CTNNA3: variants seen among roughly 807,000 people sequenced by gnomAD.
CTNNA3 encodes the protein catenin alpha-3.
In CTNNA3, 76 loss-of-function variants were observed where a neutral mutation model predicts 95.7. The observed-to-expected ratio is 0.79, with a 90% CI of 0.66 to 0.96. The LOEUF is 0.96. Ranked by LOEUF, CTNNA3 falls within the 40% of genes least tolerant of loss-of-function variation. The pLI is 0.00. For missense variants in CTNNA3, 1,191 were observed against 1,089.8 expected (o/e 1.09, Z -1.31); for synonymous variants, 431 against 374.4 (o/e 1.15, Z -1.74).
intron 10 of CTNNA3, among the ~76,000 whole-genome samples, chr10:66,554,856 C>A (rs1311883694): frequency 6.6e-6 from 1 of 152,046 alleles, no homozygotes; most frequent in East Asian, 1.9e-4. Context: ...CTCACTGACA[C>A]TGTTAATATC....
At chr10:66,493,603 T>A (rs1452316791) in intron 11 of CTNNA3, among the ~76,000 whole-genome samples, 1 of 144,674 alleles carries the variant, frequency 6.9e-6, no homozygotes, top group East Asian at 2.3e-4. Context: ...TACAGTATTT[T>A]TTTTTTTTTT....
chr10:67,319,711 C>A (rs1028105489), intron 5 of CTNNA3, among the ~76,000 whole-genome samples: 5 of 151,884 alleles, frequency 3.3e-5, no homozygotes, highest in Non-Finnish European at 7.4e-5. Flanking sequence ...GCCTGGCCAA[C>A]AAAGTAAAAC....
chr10:66,648,585 T>C (rs1348963471), intron 9 of CTNNA3, among the ~76,000 whole-genome samples: 1 of 152,160 alleles, frequency 6.6e-6, no homozygotes, highest in African/African-American at 2.4e-5. Flanking sequence ...ACTAAAATGT[T>C]TTCTGAAGAA....
chr10:66,284,568 C>CA, intron 12 of CTNNA3, among the ~76,000 whole-genome samples: 1 of 151,776 alleles, frequency 6.6e-6, no homozygotes, highest in East Asian at 1.9e-4. Flanking sequence ...GGTAGTAGCC[C>CA]AAAAATATTT....
intron 9 of CTNNA3, among the ~76,000 whole-genome samples, chr10:66,758,573 A>G (rs867148551): frequency 6.6e-6 from 1 of 152,272 alleles, no homozygotes; most frequent in Non-Finnish European, 1.5e-5. Flanking sequence ...TTGACCAAAT[A>G]CCATGTTGGA....
intron 7 of CTNNA3, among the ~76,000 whole-genome samples, chr10:66,939,682 A>G (rs1173381036): frequency 3.9e-5 from 6 of 152,202 alleles, no homozygotes; most frequent in African/African-American, 1.4e-4. Context: ...AGTATCTGTC[A>G]GCCTCTGGAC....
chr10:66,427,572 G>A (rs1209738356), intron 11 of CTNNA3, among the ~76,000 whole-genome samples: 2 of 152,034 alleles, frequency 1.3e-5, no homozygotes, highest in African/African-American at 2.4e-5. Context: ...TTTTCTATTG[G>A]TAACATGGAC....
intron 3 of CTNNA3, among the ~76,000 whole-genome samples, chr10:67,574,331 G>A (rs1472472172): frequency 6.6e-6 from 1 of 152,048 alleles, no homozygotes; most frequent in Non-Finnish European, 1.5e-5. Context: ...TGAAAGTTTT[G>A]TTCCCCTACC....
intron 16 of CTNNA3, among the ~76,000 whole-genome samples, chr10:65,988,021 G>A (rs1318812077): frequency 6.6e-6 from 1 of 152,066 alleles, no homozygotes; most frequent in African/African-American, 2.4e-5. Flanking sequence ...TGGTTATCAG[G>A]GGCAGGGAAG....
chr10:66,592,946 G>C (rs1404311091), intron 10 of CTNNA3, among the ~76,000 whole-genome samples: 1 of 152,080 alleles, frequency 6.6e-6, no homozygotes, highest in Non-Finnish European at 1.5e-5. Flanking sequence ...TGATAACCGA[G>C]TAAAAGTTGT....
intron 17 of CTNNA3, among the ~76,000 whole-genome samples, chr10:65,923,789 T>C (rs1310570109): frequency 6.6e-6 from 1 of 152,118 alleles, no homozygotes; most frequent in Non-Finnish European, 1.5e-5. Context: ...AATCAATGCA[T>C]GAAATAACTA....
At chr10:66,052,991 G>A (rs1306499562) in intron 15 of CTNNA3, among the ~76,000 whole-genome samples, 1 of 151,954 alleles carries the variant, frequency 6.6e-6, no homozygotes, top group African/African-American at 2.4e-5. Context: ...ATTCATTAAA[G>A]TACTGTAGAA....
At chr10:67,746,523 G>C (rs1841375668) in intron 1 of CTNNA3, among the ~76,000 whole-genome samples, 3 of 152,030 alleles carry the variant, frequency 2.0e-5, no homozygotes, top group Non-Finnish European at 4.4e-5. Context: ...GACTGACTAG[G>C]TGTTTGGTTT....
chr10:67,751,288 A>G, intron 1 of CTNNA3: 2 of 997,838 alleles, frequency 2.0e-6, no homozygotes, highest in Non-Finnish European at 3.2e-6. Flanking sequence ...CTGAAGTGTG[A>G]CATCTCCACT....
intron 14 of CTNNA3, chr10:66,084,818 T>C (rs892132054): frequency 2.0e-5 from 3 of 152,184 alleles, no homozygotes; most frequent in African/African-American, 7.2e-5. Context: ...ATGTTATATA[T>C]CTATCATCTA....
intron 17 of CTNNA3, among the ~76,000 whole-genome samples, chr10:65,964,664 T>C (rs1175208824): frequency 1.3e-5 from 2 of 152,162 alleles, no homozygotes; most frequent in Non-Finnish European, 2.9e-5. Context: ...ACTGTATATT[T>C]GAAAAATAAA....
chr10:65,969,171 G>T (rs2133264316), intron 16 of CTNNA3, among the ~76,000 whole-genome samples: 1 of 151,398 alleles, frequency 6.6e-6, no homozygotes, highest in Admixed American at 6.6e-5. Flanking sequence ...TAAGCCAAAA[G>T]ACCTTACCCA....
intron 5 of CTNNA3, among the ~76,000 whole-genome samples, chr10:67,391,145 A>G (rs1191524599): frequency 2.0e-5 from 3 of 152,084 alleles, no homozygotes; most frequent in Non-Finnish European, 4.4e-5. Flanking sequence ...ATGATTGTAT[A>G]TCTAGAAACC....
chr10:67,711,367 G>C (rs1011781704), intron 1 of CTNNA3, among the ~76,000 whole-genome samples: 12 of 152,272 alleles, frequency 7.9e-5, no homozygotes, highest in Middle Eastern at 3.4e-3. Context: ...CTAGAAACTT[G>C]TTGAATGACT....
Sources: allele counts gnomAD v4.1 joint callset (sites outside exome capture counted in the v4.1 genomes callset), GRCh38; gene constraint gnomAD v4.1.1; transcripts MANE v1.5; gene names NCBI Gene and HGNC (gene_info 2026-07-23, HGNC 2026-07-21).